Variants in PTPRT observed in about 807,000 individuals in gnomAD.
The protein encoded by PTPRT is protein tyrosine phosphatase receptor type T.
PTPRT carries 56 observed loss-of-function variants against 176.8 expected under a neutral mutation model. That is an observed-to-expected ratio of 0.32 (90% confidence interval 0.26 to 0.40). PTPRT has a LOEUF of 0.40. Ranked by LOEUF, PTPRT falls within the 10% of genes least tolerant of loss-of-function variation. The probability of loss-of-function intolerance (pLI) is 1.00; values close to 1 mark genes in which losing one functional copy is unlikely to be tolerated. For missense variants in PTPRT, 1,540 were observed against 1,908.2 expected, an observed-to-expected ratio of 0.81 and a Z score of 3.60; for synonymous variants, 783 against 739.0, an observed-to-expected ratio of 1.06 and a Z score of -0.96.
chr20:42,937,598 G>A (rs562710545), intron 1 of PTPRT, among the ~76,000 whole-genome samples: 1 of 152,156 alleles, frequency 6.6e-6, no homozygotes, highest in Non-Finnish European at 1.5e-5. Flanking sequence ...ACCTTGTGGA[G>A]CCACCAGAGA....
rs118023371 is a variant in PTPRT, at chr20:42,266,395, C to T, written c.2176+16094G>A. Among the ~76,000 whole-genome samples the T allele has an allele frequency of 5.8e-3, 877 of 152,236 alleles. 2 individuals carry two copies. Among genetic ancestry groups the T allele is most frequent in the Non-Finnish European group, 9.8e-3 (665 of 68,018 alleles). ...GACACTGTCAGTCTCCTCTTGGGCT[C>T]AGAAGTCCAGGCCACCCCCTTGAGG... On this transcript the variant is annotated intron_variant, in intron 13 of 30. Coordinates refer to ENST00000373187, the MANE Select transcript of PTPRT (RefSeq NM_007050.6).
At chr20:42,646,553 T>C (rs1396081295) in intron 7 of PTPRT, among the ~76,000 whole-genome samples, 1 of 152,090 alleles carries the variant, frequency 6.6e-6, no homozygotes, top group Non-Finnish European at 1.5e-5. Flanking sequence ...GATATTTCAA[T>C]TTAAATTCAT....
At position 42,724,866 on chromosome 20, in the gene PTPRT, A is replaced by G. The variant is rs184311407; in HGVS notation, c.859+31596T>C. Among the ~76,000 whole-genome samples the G allele has an allele frequency of 9.5e-3, 1,440 of 150,882 alleles. 5 individuals are homozygous for G. The highest frequency in any genetic ancestry group is 0.014 in the Non-Finnish European group (930 of 67,784). On this transcript the variant is annotated intron_variant, in intron 6 of 30. Coordinates refer to ENST00000373187, the MANE Select transcript of PTPRT (RefSeq NM_007050.6). The stretch of plus-strand genomic sequence containing the variant: ...GACCATCCCTGCCTCCCTCTTTTAT[A>G]CCCCTTGTGATTACAGTGGGCCCAG...
intron 7 of PTPRT, among the ~76,000 whole-genome samples, chr20:42,546,940 A>G (rs1470428078): frequency 6.6e-6 from 1 of 152,204 alleles, no homozygotes. Context: ...ATCTAATAGT[A>G]ATGAAAACGT....
intron 7 of PTPRT, among the ~76,000 whole-genome samples, chr20:42,637,439 T>A (rs1307256107): frequency 6.6e-6 from 1 of 152,042 alleles, no homozygotes; most frequent in African/African-American, 2.4e-5. Context: ...GCCAAGCTTG[T>A]TCCCCCCTCA....
At chr20:42,181,432 A>C (rs2206169) in intron 16 of PTPRT, among the ~76,000 whole-genome samples, 94,070 of 151,946 alleles carry the variant, frequency 0.62, 29,940 homozygotes, top group African/African-American at 0.76. Flanking sequence ...ACAAAGATAC[A>C]AGGATTAGGA....
At chr20:42,147,118 C>A (rs1443019362) in intron 17 of PTPRT, among the ~76,000 whole-genome samples, 1 of 152,194 alleles carries the variant, frequency 6.6e-6, no homozygotes, top group East Asian at 1.9e-4. Flanking sequence ...TAGGCTTCTT[C>A]AAGGAAAGGG....
chr20:42,090,161 A>G (rs1359318738), intron 27 of PTPRT, among the ~76,000 whole-genome samples: 1 of 152,062 alleles, frequency 6.6e-6, no homozygotes, highest in Non-Finnish European at 1.5e-5. Flanking sequence ...TGTATCTAGC[A>G]AGTACTCAAT....
At chr20:42,932,232 C>T (rs1320882860) in intron 1 of PTPRT, among the ~76,000 whole-genome samples, 2 of 152,214 alleles carry the variant, frequency 1.3e-5, no homozygotes, top group African/African-American at 2.4e-5. Flanking sequence ...AGAGCCAAGC[C>T]TAGGGGAAAT....
chr20:42,830,327 A>G (rs1433925145), intron 2 of PTPRT, among the ~76,000 whole-genome samples: 5 of 152,214 alleles, frequency 3.3e-5, no homozygotes, highest in African/African-American at 1.2e-4. Context: ...CATCACACAA[A>G]CAGAACTAAA....
intron 7 of PTPRT, among the ~76,000 whole-genome samples, chr20:42,482,828 C>T (rs963417051): frequency 6.6e-6 from 1 of 152,060 alleles, no homozygotes; most frequent in Non-Finnish European, 1.5e-5. Flanking sequence ...TTTTGAGCAT[C>T]TATAGGGTGG....
chr20:43,051,349 G>T (rs1381339340), intron 1 of PTPRT, among the ~76,000 whole-genome samples: 1 of 152,072 alleles, frequency 6.6e-6, no homozygotes, highest in Non-Finnish European at 1.5e-5. Flanking sequence ...AAACTGAATT[G>T]AATGCATTCT....
intron 7 of PTPRT, among the ~76,000 whole-genome samples, chr20:42,662,995 T>A (rs2075252093): frequency 1.3e-5 from 2 of 152,146 alleles, no homozygotes; most frequent in Non-Finnish European, 2.9e-5. Context: ...TGTATGTGTG[T>A]GTGTATTTAT....
At chr20:42,731,709 C>T (rs1010039692) in intron 6 of PTPRT, among the ~76,000 whole-genome samples, 1 of 152,204 alleles carries the variant, frequency 6.6e-6, no homozygotes, top group Admixed American at 6.5e-5. Flanking sequence ...CCCTTTCCCT[C>T]CCCTGTGGCC....
chr20:42,111,302 T>G (rs771676773), intron 22 of PTPRT, among the ~76,000 whole-genome samples: 221 of 89,412 alleles, frequency 2.5e-3, no homozygotes, highest in Non-Finnish European at 4.4e-3. Flanking sequence ...TGTTTGATTA[T>G]TCATTCATTC....
At chr20:43,040,359 T>G (rs1389955263) in intron 1 of PTPRT, among the ~76,000 whole-genome samples, 1 of 152,196 alleles carries the variant, frequency 6.6e-6, no homozygotes, top group Non-Finnish European at 1.5e-5. Context: ...ACCTAAAAGA[T>G]ATATAACTCA....
At position 43,002,926 on chromosome 20, in the gene PTPRT, T is replaced by C. The variant is rs940431136; in HGVS notation, c.89-116994A>G. Among the ~76,000 whole-genome samples the C allele has an allele frequency of 2.0e-5, 3 of 151,488 alleles. No homozygotes were observed. In the South Asian group the frequency reaches 6.3e-4, roughly 32 times the overall value. On this transcript the variant is annotated intron_variant, in intron 1 of 30. Coordinates refer to ENST00000373187, the MANE Select transcript of PTPRT (RefSeq NM_007050.6). ...AGAATAAATAAATCTAAAATCTGGT[T>C]CTTTGAGAAAAAGAAAATAAACTAT...
intron 7 of PTPRT, among the ~76,000 whole-genome samples, chr20:42,545,452 A>G (rs1047149760): frequency 6.6e-6 from 1 of 151,994 alleles, no homozygotes; most frequent in Admixed American, 6.6e-5. Flanking sequence ...TTTGCACTCA[A>G]TGCACACCCA....
chr20:42,752,060 G>A (rs116375585), intron 6 of PTPRT, among the ~76,000 whole-genome samples: 177 of 151,606 alleles, frequency 1.2e-3, no homozygotes, highest in African/African-American at 4.1e-3. Context: ...TCTTATACTC[G>A]GCACATCACC....
Sources: allele counts gnomAD v4.1 joint callset (sites outside exome capture counted in the v4.1 genomes callset), GRCh38; gene constraint gnomAD v4.1.1; transcripts MANE v1.5; gene names NCBI Gene and HGNC (gene_info 2026-07-23, HGNC 2026-07-21).